The following DOCK10 variants were observed in gnomAD, a reference collection of about 807,000 sequenced individuals.
DOCK10 encodes dedicator of cytokinesis protein 10.
DOCK10 carries 145 observed loss-of-function variants against 280.1 expected under a neutral mutation model. That is an observed-to-expected ratio of 0.52 (90% CI 0.45 to 0.59). The LOEUF (loss-of-function observed/expected upper bound fraction) is 0.59, where lower values mean the gene tolerates loss of function less well. Ranked by LOEUF, DOCK10 falls within the 20% of genes least tolerant of loss-of-function variation. The probability of loss-of-function intolerance (pLI) is 0.00; values close to 1 mark genes in which losing one functional copy is unlikely to be tolerated. For synonymous variants in DOCK10, 915 were observed against 942.2 expected (o/e 0.97, Z 0.53); for missense variants, 2,368 against 2,651.7 (o/e 0.89, Z 2.35).
chr2:224,999,715 T>TTG (rs1349684591), intron 1 of DOCK10, among the ~76,000 whole-genome samples: 2 of 151,556 alleles, frequency 1.3e-5, no homozygotes, highest in Admixed American at 6.6e-5. Context: ...TAATGGTGTT[T>TTG]TTTTTTTTTT....
intron 1 of DOCK10, among the ~76,000 whole-genome samples, chr2:224,964,298 C>T (rs1344195972): frequency 6.6e-6 from 1 of 152,088 alleles, no homozygotes; most frequent in African/African-American, 2.4e-5. Context: ...TTTCTAAATG[C>T]AAACGATTCT....
chr2:225,008,916 C>A (rs1466386327), intron 1 of DOCK10, among the ~76,000 whole-genome samples: 1 of 152,226 alleles, frequency 6.6e-6, no homozygotes, highest in Non-Finnish European at 1.5e-5. Flanking sequence ...ACCGTTTCCA[C>A]CTCTCATAAG....
rs186151389 is a variant in DOCK10 at position 224,970,561 on chromosome 2, T to C, written c.124-38893A>G. Among the ~76,000 whole-genome samples, 1 of 152,198 alleles carries C rather than the reference T, an allele frequency of 6.6e-6. No homozygotes were observed. Among genetic ancestry groups the C allele is most frequent in the Non-Finnish European group, 1.5e-5 (1 of 68,026 alleles). ...TGTCTGTTCCCAAAATAGAATTCTATAAACCCTTCAATCCGAAGAGATTAC... is the reference window on the plus strand; with the variant it reads ...TGTCTGTTCCCAAAATAGAATTCTACAAACCCTTCAATCCGAAGAGATTAC... On this transcript the variant is annotated intron_variant, in intron 1 of 55. Coordinates refer to ENST00000258390, the MANE Select transcript of DOCK10 (RefSeq NM_014689.3). The surrounding 1 kb of genome is among the most constrained non-coding windows in gnomAD (Gnocchi z 4.6).
chr2:224,981,235 T>C (rs1211364234), intron 1 of DOCK10, among the ~76,000 whole-genome samples: 1 of 152,176 alleles, frequency 6.6e-6, no homozygotes, highest in African/African-American at 2.4e-5. Context: ...TATTGCTTTT[T>C]GAAAATAAAA....
At chr2:224,911,318 C>T (rs1489188706) in intron 3 of DOCK10, among the ~76,000 whole-genome samples, 1 of 152,142 alleles carries the variant, frequency 6.6e-6, no homozygotes, top group East Asian at 1.9e-4. Context: ...GTGACATTCT[C>T]AGAGAACTAC....
At chr2:224,768,478 T>C (rs1690206718) in intron 55 of DOCK10, among the ~76,000 whole-genome samples, 1 of 152,204 alleles carries the variant, frequency 6.6e-6, no homozygotes, top group African/African-American at 2.4e-5. Context: ...CCATGAGGCA[T>C]AGAGTCAAGT....
At chr2:224,877,465 GGAATAGGTTCCTATT>G (rs1698704815) in intron 7 of DOCK10, among the ~76,000 whole-genome samples, 15 of 150,816 alleles carry the variant, frequency 9.9e-5, no homozygotes, top group African/African-American at 3.7e-4. Context: ...CTATTCTATT[GGAATAGGTTCCTATT>G]CTATTGGAAT....
chr2:225,039,726 CA>C (rs1690365177), intron 1 of DOCK10, among the ~76,000 whole-genome samples: 1 of 152,056 alleles, frequency 6.6e-6, no homozygotes, highest in South Asian at 2.1e-4. Context: ...ATACACACCC[CA>C]TTCTCAGGGA....
At chr2:225,040,563 G>A (rs764510599) in intron 1 of DOCK10, among the ~76,000 whole-genome samples, 6 of 151,482 alleles carry the variant, frequency 4.0e-5, no homozygotes, top group Non-Finnish European at 7.4e-5. Context: ...AAGGGTATCT[G>A]GGATACATAA....
intron 6 of DOCK10, 115 bp downstream of exon 6, chr2:224,885,943 TAAATA>T (rs1699251973): frequency 6.7e-7 from 1 of 1,497,596 alleles, no homozygotes; most frequent in African/African-American, 1.4e-5. Context: ...TACTTCCTCA[TAAATA>T]AAATATTATA....
chr2:224,916,825 G>A (rs748418232), intron 2 of DOCK10, 41 bp from the exon 3 acceptor site: 21 of 1,502,046 alleles, frequency 1.4e-5, no homozygotes, highest in Non-Finnish European at 1.9e-5. Flanking sequence ...CTCCGGCTTA[G>A]AAGTGTCGAG....
chr2:225,000,988 T>A (rs1337815865), intron 1 of DOCK10, among the ~76,000 whole-genome samples: 1 of 152,050 alleles, frequency 6.6e-6, no homozygotes, highest in Non-Finnish European at 1.5e-5. Context: ...AGAAAAAAAA[T>A]TAATCACTAG....
chr2:224,801,897 A>G lies in DOCK10; in HGVS notation c.4393+19T>C, dbSNP rs1261423323. 11 of 1,611,322 alleles carry G rather than the reference A, an allele frequency of 6.8e-6. No individual in the cohort carries two copies. The African/African-American group carries it at 1.1e-4, about 16-fold the overall frequency. On this transcript the variant is annotated intron_variant, in intron 40 of 55. Transcript: ENST00000258390. ...AAAAACTGGTAACCATCTTGTTCCT[A>G]TTATTTCAGTTTACTTACTGGTCAT... is the stretch of plus-strand genomic sequence containing the variant.
intron 1 of DOCK10, among the ~76,000 whole-genome samples, chr2:224,992,461 G>T (rs1706155952): frequency 6.6e-6 from 1 of 152,288 alleles, no homozygotes; most frequent in Middle Eastern, 3.4e-3. Flanking sequence ...ATCATTTTAG[G>T]GTTGGTGCAA....
intron 1 of DOCK10, among the ~76,000 whole-genome samples, chr2:224,958,145 A>C (rs962149534): frequency 1.3e-5 from 2 of 152,244 alleles, no homozygotes; most frequent in African/African-American, 2.4e-5. Context: ...TATTAATAGA[A>C]TATTGGTGAA....
At chr2:225,008,458 T>C (rs1489330097) in intron 1 of DOCK10, among the ~76,000 whole-genome samples, 1 of 152,234 alleles carries the variant, frequency 6.6e-6, no homozygotes, top group Non-Finnish European at 1.5e-5. Context: ...AAACTATTTA[T>C]TTAGCATTTA....
intron 19 of DOCK10, among the ~76,000 whole-genome samples, chr2:224,848,595 G>A (rs953868959): frequency 2.6e-5 from 4 of 152,134 alleles, no homozygotes; most frequent in African/African-American, 9.7e-5. Context: ...CATCAAATAG[G>A]GAGGTAATAA....
intron 2 of DOCK10, among the ~76,000 whole-genome samples, chr2:224,925,248 C>T (rs573822508): frequency 3.5e-4 from 53 of 152,038 alleles, no homozygotes; most frequent in African/African-American, 1.1e-3. Flanking sequence ...TCAAATCTTT[C>T]TGCTTCCTTT....
At chr2:224,996,629 G>A (rs9288596) in intron 1 of DOCK10, among the ~76,000 whole-genome samples, 5,316 of 152,248 alleles carry the variant, frequency 0.035, 122 homozygotes, top group Middle Eastern at 0.061. Flanking sequence ...TGGCTACTGC[G>A]AAAATCAAAT....
Sources: allele counts gnomAD v4.1 joint callset (sites outside exome capture counted in the v4.1 genomes callset), GRCh38; gene constraint gnomAD v4.1.1; non-coding constraint Gnocchi (gnomAD v3.1); transcripts MANE v1.5; gene names NCBI Gene and HGNC (gene_info 2026-07-23, HGNC 2026-07-21).